Variants in TAF8 observed in about 807,000 individuals in gnomAD.
TAF8 encodes transcription initiation factor TFIID subunit 8.
A neutral mutation model predicts 36.5 loss-of-function variants in TAF8; 47 were observed. The observed-to-expected ratio is 1.29, with a 90% CI of 1.02 to 1.64. The LOEUF (loss-of-function observed/expected upper bound fraction) is 1.64. Ranked by LOEUF, TAF8 falls within the 40% of genes most tolerant of loss-of-function variation. The probability of loss-of-function intolerance (pLI) is 0.00; values close to 1 mark genes in which losing one functional copy is unlikely to be tolerated. For missense variants in TAF8, 420 were observed against 407.6 expected (o/e 1.03, Z -0.26); for synonymous variants, 175 against 159.5 (o/e 1.10, Z -0.73).
At chr6:42,084,531 C>T (rs1023882444), downstream of TAF8, among the ~76,000 whole-genome samples, 10 of 152,090 alleles carry the variant, frequency 6.6e-5, no homozygotes, top group South Asian at 2.1e-4. Context: ...GGTGCGATCT[C>T]GGCTCACTGC....
chr6:42,050,597 G>T lies in TAF8; in HGVS notation c.45+11G>T. 1 of 1,549,350 alleles carries T rather than the reference G, an allele frequency of 6.5e-7. No individual in the cohort carries two copies. Among genetic ancestry groups the T allele is most frequent in the Non-Finnish European group, 8.7e-7 (1 of 1,147,616 alleles). On this transcript the variant is annotated intron_variant, in intron 1 of 8. Transcript: ENST00000372977. The stretch of plus-strand genomic sequence containing the variant: ...GGTGGCTCCGGAACGGTAAGGGCAG[G>T]AAGCGCGGGCTCGGAGCCGAGAGAG...
rs1454134822 is a variant in TAF8 at position 42,081,412 on chromosome 6, T to G, written c.*3867T>G. On this transcript the variant is annotated 3_prime_UTR_variant, in exon 9 of 9. Transcript: ENST00000372977. ...TCGCCCAGGCTGGATTGCAGTGGAT[T>G]GTCAAGATTGCAGTGGTGCAATCTC... The G allele has an allele frequency of 1.3e-5, 2 of 152,010 alleles. No homozygotes were observed. Among genetic ancestry groups the G allele is most frequent in the African/African-American group, 4.8e-5 (2 of 41,372 alleles). The allele number at this position is 152,010 out of a possible 1,614,324, so 9.4% of individuals were successfully genotyped here. A position where few individuals can be genotyped will look rare whatever the true frequency, so the allele number is the denominator to read the frequency against.
In TAF8 at chr6:42,079,086, C is replaced by T. The variant is rs933431699; in HGVS notation, c.*1541C>T. On this transcript the variant is annotated 3_prime_UTR_variant, in exon 9 of 9. Transcript: ENST00000372977. The stretch of plus-strand genomic sequence containing the variant: ...GCAGTGAGCCGAGATCGTGCCACTG[C>T]ACTCCAGCCTGGGTGACAGAGCGAG... 3.1e-5 allele frequency: 27 copies of T among 859,032 alleles called. No individual in the cohort carries two copies. The Admixed American group carries it at 5.0e-4, about 16-fold the overall frequency. 53.2% of individuals were successfully genotyped at this position (859,032 alleles called of 1,614,324 possible). A position where few individuals can be genotyped will look rare whatever the true frequency, so the allele number is the denominator to read the frequency against.
intron 5 of TAF8, among the ~76,000 whole-genome samples, chr6:42,059,742 C>T (rs1048145394): frequency 6.6e-6 from 1 of 152,138 alleles, no homozygotes; most frequent in Non-Finnish European, 1.5e-5. Flanking sequence ...TTAGCCTCCG[C>T]CCAGGAATGA....
At chr6:42,051,955 C>CCAA (rs1001942482) in intron 2 of TAF8, among the ~76,000 whole-genome samples, 1 of 152,122 alleles carries the variant, frequency 6.6e-6, no homozygotes, top group East Asian at 1.9e-4. Flanking sequence ...GGCTCCATCT[C>CCAA]CAACAACAAC....
chr6:42,076,411 C>T (rs754852469), intron 7 of TAF8, among the ~76,000 whole-genome samples: 11 of 152,192 alleles, frequency 7.2e-5, no homozygotes, highest in Middle Eastern at 3.2e-3. Context: ...GATCACGCCA[C>T]TGCACTCCAG....
At chr6:42,070,154 A>G (rs6920384) in intron 7 of TAF8, among the ~76,000 whole-genome samples, 16 of 152,210 alleles carry the variant, frequency 1.1e-4, no homozygotes, top group African/African-American at 3.9e-4. Context: ...CCCTTATAGC[A>G]GCCACTAGCC....
chr6:42,050,552 C>T lies in TAF8; in HGVS notation c.11C>T (p.Ala4Val), dbSNP rs573020143. 6.4e-6 allele frequency: 10 copies of T among 1,555,784 alleles called. No homozygotes were observed. The highest frequency in any genetic ancestry group is 2.7e-5 in the African/African-American group (2 of 73,564). ...CTACGCCAGAACAAGATGGCCGACG[C>T]GGCGGCCACAGCTGGGGCCGGTGGC... MAD[A>V]AATAGAGGSG... is the part of the protein sequence containing the mutation. The change falls in exon 1 of 9, where the codon GCG becomes GTG. Residue 4 changes from alanine (A) to valine (V), a missense_variant. Physicochemically the swap from Ala to Val is moderately conservative, Grantham distance 64. Transcript: ENST00000372977.
chr6:42,073,095 T>C (rs981812127), intron 7 of TAF8, among the ~76,000 whole-genome samples: 1 of 152,258 alleles, frequency 6.6e-6, no homozygotes, highest in Admixed American at 6.5e-5. Flanking sequence ...TGTTAGGCAG[T>C]ACATTATTTA....
intron 5 of TAF8, among the ~76,000 whole-genome samples, chr6:42,061,332 A>G (rs1302909617): frequency 1.3e-5 from 2 of 152,354 alleles, no homozygotes; most frequent in Non-Finnish European, 2.9e-5. Flanking sequence ...ATATTTATAC[A>G]AATACAGTCT....
At position 42,079,792 on chromosome 6, in the gene TAF8, G is replaced by T. The variant is rs898033752; in HGVS notation, c.*2247G>T. 1.7e-5 allele frequency: 16 copies of T among 940,556 alleles called. No individual in the cohort carries two copies. In the African/African-American group the frequency reaches 2.7e-4, roughly 16 times the overall value. 58.3% of individuals were successfully genotyped at this position (940,556 alleles called of 1,614,324 possible). ...TGGTCTTGAACTCCTGGCCTCAAGT[G>T]ATCCACCCGCCTTGGCCTTCCAAAG... On this transcript the variant is annotated 3_prime_UTR_variant, in exon 9 of 9. Coordinates refer to ENST00000372977, the MANE Select transcript of TAF8 (RefSeq NM_138572.3).
rs1765850989 is a variant in TAF8 at position 42,079,256 on chromosome 6, G to C, written c.*1711G>C. On this transcript the variant is annotated 3_prime_UTR_variant, in exon 9 of 9. Transcript: ENST00000372977. ...GGTCAGCTGGAAGGCTGGTGGATGGGCAGGAGTGAGCCAAGCTGAGGCGTT... is the reference window on the plus strand; with the variant it reads ...GGTCAGCTGGAAGGCTGGTGGATGGCCAGGAGTGAGCCAAGCTGAGGCGTT... 4.1e-6 allele frequency: 4 copies of C among 985,632 alleles called. No homozygotes were observed. Among genetic ancestry groups the C allele is most frequent in the Non-Finnish European group, 4.8e-6 (4 of 830,038 alleles). The allele number at this position is 985,632 out of a possible 1,614,324, so 61.1% of individuals were successfully genotyped here. A position where few individuals can be genotyped will look rare whatever the true frequency, so the allele number is the denominator to read the frequency against.
Position 42,081,110 on chromosome 6 carries a change from T to C in TAF8, c.*3565T>C. The C allele has an allele frequency of 4.0e-6, 1 of 249,946 alleles. No individual in the cohort carries two copies. Among genetic ancestry groups the C allele is most frequent in the Non-Finnish European group, 6.3e-6 (1 of 157,864 alleles). The allele number at this position is 249,946 out of a possible 1,614,324, so 15.5% of individuals were successfully genotyped here. On this transcript the variant is annotated 3_prime_UTR_variant, in exon 9 of 9. Transcript: ENST00000372977. ...TCAAGCTTCCACACTTGTCAGTAGCTTGTTGATTCTGTTTCATCTGTTTCT... is the reference window on the plus strand; with the variant it reads ...TCAAGCTTCCACACTTGTCAGTAGCCTGTTGATTCTGTTTCATCTGTTTCT...
At chr6:42,074,838 C>CT (rs5875785) in intron 7 of TAF8, among the ~76,000 whole-genome samples, 354 of 143,356 alleles carry the variant, frequency 2.5e-3, no homozygotes, top group African/African-American at 8.1e-3. Flanking sequence ...GCCTGGCCTA[C>CT]TTTTTTTTTT....
At chr6:42,069,401 A>G (rs1765481789) in intron 7 of TAF8, among the ~76,000 whole-genome samples, 2 of 152,156 alleles carry the variant, frequency 1.3e-5, no homozygotes, top group Admixed American at 1.3e-4. Context: ...TAGGAGGAGC[A>G]AAAATAAGGA....
At chr6:42,063,421 C>CAT (rs1765252097) in intron 5 of TAF8, 1 of 152,046 alleles carries the variant, frequency 6.6e-6, no homozygotes, top group Non-Finnish European at 1.5e-5. Flanking sequence ...GGCATGGGTA[C>CAT]ATACTCCAGT....
chr6:42,057,457 C>A lies in TAF8; in HGVS notation c.433C>A (p.His145Asn). The change falls in exon 5 of 9, where the codon CAC becomes AAC. Residue 145 changes from histidine (H) to asparagine (N), a missense_variant. By Grantham distance (68) the His-to-Asn change is moderately conservative. Transcript: ENST00000372977. ...TAGQNRPHPP[H>N]IPSHFPEFPD... Reference sequence around the variant, plus strand: ...AGGGCAGAACCGACCCCACCCGCCGCACATCCCCAGCCATTTTCCTGAGTT... The same window carrying A: ...AGGGCAGAACCGACCCCACCCGCCGAACATCCCCAGCCATTTTCCTGAGTT... 1 of 1,614,136 alleles carries A rather than the reference C, an allele frequency of 6.2e-7. No individual in the cohort carries two copies. The highest frequency in any genetic ancestry group is 8.5e-7 in the Non-Finnish European group (1 of 1,180,042).
At chr6:42,062,704 AT>A (rs1026637690) in intron 5 of TAF8, among the ~76,000 whole-genome samples, 98 of 144,562 alleles carry the variant, frequency 6.8e-4, no homozygotes, top group Non-Finnish European at 6.4e-4. Flanking sequence ...AGCCTGGCTA[AT>A]TTTTTTTTTT....
downstream of TAF8, chr6:42,086,867 G>A: frequency 9.8e-7 from 1 of 1,023,610 alleles, no homozygotes; most frequent in Non-Finnish European, 1.5e-6. Context: ...AGCCCTTGCT[G>A]GTGCAGATGC....
Sources: gnomAD v4.1 joint callset for allele counts (sites outside exome capture counted in the v4.1 genomes callset) on GRCh38, gnomAD v4.1.1 for gene constraint, MANE v1.5 for transcripts, NCBI Gene and HGNC (gene_info 2026-07-23, HGNC 2026-07-21) for gene names.